The following RSRC1 variants were observed in gnomAD, a reference collection of about 807,000 sequenced individuals.
The protein encoded by RSRC1 is arginine and serine rich coiled-coil 1, also known as serine/Arginine-related protein 53.
Under a neutral mutation model 49.1 loss-of-function variants are expected in RSRC1, and 39 were observed. The observed-to-expected ratio is 0.79, with a 90% confidence interval of 0.61 to 1.04. The LOEUF (loss-of-function observed/expected upper bound fraction) is 1.04, where lower values mean the gene tolerates loss of function less well. RSRC1 is among the 50% of genes least tolerant of loss of function. The pLI is 0.00. For synonymous variants in RSRC1, 143 were observed against 130.8 expected, an observed-to-expected ratio of 1.09 and a Z score of -0.63; for missense variants, 388 against 402.4, an observed-to-expected ratio of 0.96 and a Z score of 0.31.
chr3:158,170,966 G>GA (rs1010057713), intron 3 of RSRC1, among the ~76,000 whole-genome samples: 16 of 152,184 alleles, frequency 1.1e-4, no homozygotes, highest in African/African-American at 2.9e-4. Context: ...CAGACTCCAA[G>GA]AAAAAACCAT....
chr3:158,323,823 G>C (rs73168795), intron 5 of RSRC1, among the ~76,000 whole-genome samples: 47,342 of 151,974 alleles, frequency 0.31, 7,617 homozygotes, highest in South Asian at 0.41. Context: ...TTTTTATAGA[G>C]AATGGGTCTC....
At chr3:158,534,724 G>A (rs908738373) in intron 7 of RSRC1, among the ~76,000 whole-genome samples, 3 of 151,412 alleles carry the variant, frequency 2.0e-5, no homozygotes, top group Non-Finnish European at 4.4e-5. Flanking sequence ...GGCCATTCGT[G>A]GAAAAACCTA....
intron 5 of RSRC1, among the ~76,000 whole-genome samples, chr3:158,340,521 A>G (rs988360432): frequency 6.6e-6 from 1 of 152,202 alleles, no homozygotes; most frequent in African/African-American, 2.4e-5. Context: ...AGCCTGGGCG[A>G]CAGAGCAAGA....
chr3:158,530,028 TTC>T (rs1343309434), intron 7 of RSRC1, among the ~76,000 whole-genome samples: 1 of 151,896 alleles, frequency 6.6e-6, no homozygotes, highest in Non-Finnish European at 1.5e-5. Flanking sequence ...CTTCCACTCC[TTC>T]TCTCCTCCTC....
intron 3 of RSRC1, among the ~76,000 whole-genome samples, chr3:158,145,288 C>T (rs972095480): frequency 6.6e-6 from 1 of 152,042 alleles, no homozygotes; most frequent in Non-Finnish European, 1.5e-5. Flanking sequence ...GTCTTTAATC[C>T]ATCTTGAATT....
At chr3:158,365,941 A>G (rs563778675) in intron 6 of RSRC1, among the ~76,000 whole-genome samples, 1 of 152,322 alleles carries the variant, frequency 6.6e-6, no homozygotes, top group East Asian at 1.9e-4. Flanking sequence ...GGCCACATAA[A>G]TGTCTTCTTT....
chr3:158,181,830 A>G (rs1719637748), intron 3 of RSRC1, among the ~76,000 whole-genome samples: 1 of 152,212 alleles, frequency 6.6e-6, no homozygotes, highest in Non-Finnish European at 1.5e-5. Flanking sequence ...CAAATTGAGA[A>G]AGTAGTACAT....
intron 3 of RSRC1, among the ~76,000 whole-genome samples, chr3:158,196,518 C>T (rs888523815): frequency 2.0e-5 from 3 of 152,118 alleles, no homozygotes; most frequent in Non-Finnish European, 2.9e-5. Context: ...ATTGCCCTGG[C>T]CAGAACTTCT....
intron 4 of RSRC1, among the ~76,000 whole-genome samples, chr3:158,269,622 C>T (rs761163887): frequency 2.0e-5 from 3 of 152,074 alleles, no homozygotes; most frequent in Non-Finnish European, 4.4e-5. Context: ...AAGTGACTCT[C>T]CTGCCTCAGC....
At chr3:158,116,259 C>A (rs1037815479) in intron 1 of RSRC1, among the ~76,000 whole-genome samples, 1 of 152,016 alleles carries the variant, frequency 6.6e-6, no homozygotes, top group African/African-American at 2.4e-5. Flanking sequence ...CCTTCATTTT[C>A]AAGAAAAGGT....
chr3:158,325,158 T>A (rs1444059915), intron 5 of RSRC1, among the ~76,000 whole-genome samples: 1 of 152,260 alleles, frequency 6.6e-6, no homozygotes, highest in Non-Finnish European at 1.5e-5. Context: ...ATTGGAAAAA[T>A]TTTCTCCCAT....
At chr3:158,447,969 G>A (rs1055968703) in intron 6 of RSRC1, among the ~76,000 whole-genome samples, 2 of 151,756 alleles carry the variant, frequency 1.3e-5, no homozygotes, top group African/African-American at 4.8e-5. Flanking sequence ...TTGATAGAAT[G>A]TTTGGAGTTA....
At chr3:158,389,114 CAAAGG>C (rs1425639807) in intron 6 of RSRC1, among the ~76,000 whole-genome samples, 1 of 152,146 alleles carries the variant, frequency 6.6e-6, no homozygotes, top group Admixed American at 6.5e-5. Context: ...AAGTTGCCAT[CAAAGG>C]ATGATGTTGC....
chr3:158,330,980 A>G (rs1318466564), intron 5 of RSRC1, among the ~76,000 whole-genome samples: 2 of 152,014 alleles, frequency 1.3e-5, no homozygotes, highest in African/African-American at 4.8e-5. Context: ...GAGCAAAGTC[A>G]TGTCTCACAT....
intron 4 of RSRC1, among the ~76,000 whole-genome samples, chr3:158,284,460 A>G (rs1380489681): frequency 6.7e-6 from 1 of 148,692 alleles, no homozygotes; most frequent in Non-Finnish European, 1.5e-5. Context: ...TCCCTGAGGA[A>G]TCGCCACACT....
chr3:158,131,707 A>G (rs746238621), intron 3 of RSRC1, among the ~76,000 whole-genome samples: 1 of 152,190 alleles, frequency 6.6e-6, no homozygotes, highest in Non-Finnish European at 1.5e-5. Flanking sequence ...TGAATGTGAC[A>G]TGAGGTAATT....
chr3:158,306,713 A>G (rs1727858490), intron 5 of RSRC1, among the ~76,000 whole-genome samples: 1 of 151,790 alleles, frequency 6.6e-6, no homozygotes, highest in Admixed American at 6.6e-5. Flanking sequence ...TTTATTACAG[A>G]CTAGTATTTT....
At chr3:158,354,979 G>T in intron 6 of RSRC1, 71 bp downstream of exon 6, 1 of 967,104 alleles carries the variant, frequency 1.0e-6, no homozygotes, top group Non-Finnish European at 1.5e-6. Context: ...AGCATGCTTA[G>T]AAATGAGTAA....
Position 158,519,174 on chromosome 3 carries a change from T to C in RSRC1, c.653-17918T>C, listed in dbSNP as rs1007408456. Among the ~76,000 whole-genome samples the C allele has an allele frequency of 3.3e-5, 5 of 152,302 alleles. No individual in the cohort carries two copies. The South Asian group carries it at 8.3e-4, about 25-fold the overall frequency. ...TCAGCCTTTATTTTCATAATTCTTTTACCTTCCACAAATTTTTGTTAATTC... is the reference window on the plus strand; with the variant it reads ...TCAGCCTTTATTTTCATAATTCTTTCACCTTCCACAAATTTTTGTTAATTC... On this transcript the variant is annotated intron_variant, in intron 7 of 9. Coordinates refer to ENST00000611884, the MANE Select transcript of RSRC1 (RefSeq NM_001271838.2).
Sources: gnomAD v4.1 joint callset for allele counts (sites outside exome capture counted in the v4.1 genomes callset) on GRCh38, gnomAD v4.1.1 for gene constraint, MANE v1.5 for transcripts, NCBI Gene and HGNC (gene_info 2026-07-23, HGNC 2026-07-21) for gene names.